The following TRPM4 variants were observed in gnomAD, a reference collection of about 807,000 sequenced individuals.
The protein encoded by TRPM4 is transient receptor potential cation channel subfamily M member 4, also known as calcium-activated non-selective cation channel 1.
TRPM4 carries 124 observed loss-of-function variants against 135.6 expected under a neutral mutation model. The ratio of observed to expected loss-of-function variants is 0.91; its 90% CI spans 0.79 to 1.06. The LOEUF is 1.06. TRPM4 is among the 50% of genes least tolerant of loss of function. The pLI is 0.00. For synonymous variants in TRPM4, 745 were observed against 705.6 expected, an observed-to-expected ratio of 1.06 and a Z score of -0.88; for missense variants, 1,658 against 1,671.4, an observed-to-expected ratio of 0.99 and a Z score of 0.14.
intron 20 of TRPM4, among the ~76,000 whole-genome samples, chr19:49,202,792 A>T (rs756121825): frequency 4.0e-5 from 6 of 151,600 alleles, no homozygotes; most frequent in Non-Finnish European, 8.8e-5. Context: ...AGCCTCCCAA[A>T]GTGTTGGGAT....
At position 49,167,772 on chromosome 19, in the gene TRPM4, C is replaced by T. The variant is rs1967274782; in HGVS notation, c.268-145C>T. 4.4e-6 allele frequency: 3 copies of T among 682,074 alleles called. 1 individual carries two copies. The highest frequency in any genetic ancestry group is 5.2e-6 in the Non-Finnish European group (2 of 382,894). The allele number at this position is 682,074 out of a possible 1,614,324, so 42.3% of individuals were successfully genotyped here. The stretch of plus-strand genomic sequence containing the variant: ...TCCCTCTCTCTCTGGGTCTCTGTCC[C>T]CATCTCTCTGGGTCTCTGTCCCTCT... On this transcript the variant is annotated intron_variant, in intron 3 of 24. Transcript: ENST00000252826.
intron 9 of TRPM4, among the ~76,000 whole-genome samples, chr19:49,174,173 GAC>G (rs1967582360): frequency 6.6e-6 from 1 of 150,624 alleles, no homozygotes; most frequent in Admixed American, 6.6e-5. Context: ...TGTATTTTGA[GAC>G]AGAGTCTTGC....
At chr19:49,204,594 C>G (rs958438393) in intron 20 of TRPM4, among the ~76,000 whole-genome samples, 1 of 151,954 alleles carries the variant, frequency 6.6e-6, no homozygotes, top group Non-Finnish European at 1.5e-5. Context: ...AAATGAGATA[C>G]CACTTCACAC....
intron 20 of TRPM4, among the ~76,000 whole-genome samples, chr19:49,205,376 A>T (rs1946174614): frequency 6.6e-6 from 1 of 151,966 alleles, no homozygotes; most frequent in South Asian, 2.1e-4. Context: ...TTTTAATAAA[A>T]CGTTACTTAA....
intron 10 of TRPM4, 139 bp from the exon 11 acceptor site, chr19:49,182,439 T>TCCATCCATCCAC (rs1343663056): frequency 1.4e-6 from 1 of 708,078 alleles, no homozygotes; most frequent in African/African-American, 1.9e-5. Flanking sequence ...TATCCATTCA[T>TCCATCCATCCAC]CCATCCATCC....
At chr19:49,175,849 G>C (rs369263040) in intron 9 of TRPM4, among the ~76,000 whole-genome samples, 1 of 147,486 alleles carries the variant, frequency 6.8e-6, no homozygotes, top group Non-Finnish European at 1.5e-5. Flanking sequence ...GGATGGTCTC[G>C]ATCTCCTGAC....
Position 49,190,317 on chromosome 19 carries a change from T to G in TRPM4, c.2129T>G (p.Phe710Cys), listed in dbSNP as rs1177273600. 1.9e-6 allele frequency: 3 copies of G among 1,613,772 alleles called. No individual in the cohort carries two copies. The African/African-American group carries it at 4.0e-5, about 22-fold the overall frequency. ...CTCATCTACACCCGCCTCATCACCT[T>G]CAGGTCAGTACCCTGGGGTGAGAGT... ...PPLIYTRLITFRKSEEEPTRE... is the reference protein window; with the variant it reads ...PPLIYTRLITCRKSEEEPTRE... The change falls in exon 15 of 25, where the codon TTC (phenylalanine) becomes TGC (cysteine). Residue 710 changes from phenylalanine (F) to cysteine (C), a missense_variant. Coordinates refer to ENST00000252826, the MANE Select transcript of TRPM4 (RefSeq NM_017636.4).
intron 12 of TRPM4, among the ~76,000 whole-genome samples, chr19:49,184,053 G>T (rs1301091134): frequency 2.0e-5 from 3 of 152,140 alleles, no homozygotes; most frequent in Admixed American, 6.5e-5. Flanking sequence ...GAGCCACTGT[G>T]CTTGGCCTGT....
rs764043350 is a variant in TRPM4, at chr19:49,182,866, A to G, written c.1552A>G (p.Arg518Gly). 3.3e-5 allele frequency: 53 copies of G among 1,609,098 alleles called. No homozygotes were observed. The highest frequency in any genetic ancestry group is 1.3e-5 in the African/African-American group (1 of 74,836). ...GCTGCTGGGGAAGATGTGCGCGCCG[A>G]GGTACCCCTCCGGGGGCGCCTGGGA... is the stretch of plus-strand genomic sequence containing the variant. ...RMLLGKMCAP[R>G]YPSGGAWDPH... Residue 518 changes from arginine to glycine, a missense_variant, in exon 11 of 25, where the codon AGG (arginine) becomes GGG (glycine). This residue lies in a region of TRPM4 where 1,412 missense variants were observed against 1,408.7 expected (regional missense o/e 1.00). Transcript: ENST00000252826.
In TRPM4 at chr19:49,188,959, G is replaced by A. The variant is rs375193278; in HGVS notation, c.1887G>A (p.Glu629=). Residue 629 remains glutamate, a synonymous_variant, in exon 14 of 25, where the codon GAG becomes GAA. Transcript: ENST00000252826. ...CCTCTGCCCCAGACCTCTTTGGCGAGTGCTATCGCAGCAGTGAGGTGAGGG... is the reference window on the plus strand; with the variant it reads ...CCTCTGCCCCAGACCTCTTTGGCGAATGCTATCGCAGCAGTGAGGTGAGGG... The part of the protein sequence containing the change: ...FEGMGVDLFG[E]CYRSSEVRAA... 1 of 1,613,994 alleles carries A rather than the reference G, an allele frequency of 6.2e-7. No individual in the cohort carries two copies.
chr19:49,179,052 C>T (rs764070618), intron 9 of TRPM4, among the ~76,000 whole-genome samples: 2 of 149,642 alleles, frequency 1.3e-5, no homozygotes, highest in African/African-American at 2.5e-5. Flanking sequence ...GCCACTGTGC[C>T]CGGCCTATTA....
Position 49,188,994 on chromosome 19 carries a change from T to G in TRPM4, c.1922T>G (p.Leu641Arg). The change falls in exon 14 of 25, where the codon CTC (leucine) becomes CGC (arginine). Residue 641 changes from leucine (L) to arginine (R), a missense_variant. This residue lies in a region of TRPM4 where 1,412 missense variants were observed against 1,408.7 expected (regional missense o/e 1.00). Coordinates refer to ENST00000252826, the MANE Select transcript of TRPM4 (RefSeq NM_017636.4). Reference protein sequence around the residue: ...YRSSEVRAARLLLRRCPLWGD... With the variant: ...YRSSEVRAARRLLRRCPLWGD... The stretch of plus-strand genomic sequence containing the variant: ...AGCAGTGAGGTGAGGGCTGCCCGCC[T>G]CCTCCTCCGTCGCTGCCCGCTCTGG... 6.2e-7 allele frequency: 1 copy of G among 1,614,124 alleles called. No individual in the cohort carries two copies. Among genetic ancestry groups the G allele is most frequent in the Non-Finnish European group, 8.5e-7 (1 of 1,180,018 alleles).
intron 17 of TRPM4, among the ~76,000 whole-genome samples, chr19:49,197,222 C>T (rs924033787): frequency 6.6e-6 from 1 of 152,094 alleles, no homozygotes; most frequent in African/African-American, 2.4e-5. Flanking sequence ...CTCCACATAG[C>T]TCGTTGGTCC....
Position 49,168,687 on chromosome 19 carries a change from C to T in TRPM4, c.747C>T (p.Phe249=), listed in dbSNP as rs1447202571. The part of the protein sequence containing the change: ...THGCLGGENR[F]RLRLESYISQ... ...GCTGCCTGGGGGGCGAGAACCGCTT[C>T]CGCTTGCGCCTGGAGTCCTACATCT... Residue 249 remains phenylalanine (F), a synonymous_variant, in exon 6 of 25, where the codon TTC becomes TTT. Coordinates refer to ENST00000252826, the MANE Select transcript of TRPM4 (RefSeq NM_017636.4). 2 of 1,610,256 alleles carry T rather than the reference C, an allele frequency of 1.2e-6. No individual in the cohort carries two copies. The highest frequency in any genetic ancestry group is 3.4e-5 in the Admixed American group (2 of 59,470).
At chr19:49,193,345 T>C (rs1895707142) in intron 16 of TRPM4, among the ~76,000 whole-genome samples, 1 of 152,072 alleles carries the variant, frequency 6.6e-6, no homozygotes, top group African/African-American at 2.4e-5. Flanking sequence ...CCTCCCAAAG[T>C]GCTGGGATTA....
At chr19:49,184,238 C>T (rs894826793) in intron 12 of TRPM4, among the ~76,000 whole-genome samples, 6 of 151,868 alleles carry the variant, frequency 4.0e-5, no homozygotes, top group African/African-American at 7.3e-5. Context: ...TATGGTGTCT[C>T]GCAAGTCCCT....
At chr19:49,164,598 T>A (rs1967101481) in intron 2 of TRPM4, among the ~76,000 whole-genome samples, 1 of 151,598 alleles carries the variant, frequency 6.6e-6, no homozygotes, top group Non-Finnish European at 1.5e-5. Flanking sequence ...GCCAGTCTGG[T>A]CTCAAACTCT....
chr19:49,186,781 G>A (rs904003212), intron 12 of TRPM4, among the ~76,000 whole-genome samples: 6 of 151,890 alleles, frequency 4.0e-5, no homozygotes, highest in Non-Finnish European at 7.4e-5. Context: ...GCTGAGGCAG[G>A]AGAATTGCTT....
At chr19:49,194,555 C>T (rs1242338852) in intron 16 of TRPM4, among the ~76,000 whole-genome samples, 1 of 149,624 alleles carries the variant, frequency 6.7e-6, no homozygotes, top group South Asian at 2.1e-4. Flanking sequence ...TCACTTATTT[C>T]CTTCCTTCCT....
Sources: allele counts gnomAD v4.1 joint callset (sites outside exome capture counted in the v4.1 genomes callset), GRCh38; gene constraint gnomAD v4.1.1; regional missense constraint gnomAD v4.1.1; transcripts MANE v1.5; gene names NCBI Gene and HGNC (gene_info 2026-07-23, HGNC 2026-07-21).